The following RPS6KB1 variants were observed in gnomAD, a reference collection of about 807,000 sequenced individuals.
RPS6KB1 encodes ribosomal protein S6 kinase beta-1.
Under a neutral mutation model 70.2 loss-of-function variants are expected in RPS6KB1, and 12 were observed. The ratio of observed to expected loss-of-function variants is 0.17; its 90% CI spans 0.11 to 0.28. The LOEUF (loss-of-function observed/expected upper bound fraction) is 0.28, where lower values mean the gene tolerates loss of function less well. Ranked by LOEUF, RPS6KB1 falls within the 10% of genes least tolerant of loss-of-function variation. The pLI is 1.00. For missense variants in RPS6KB1, 270 were observed against 646.6 expected, an observed-to-expected ratio of 0.42 and a Z score of 6.32; for synonymous variants, 175 against 211.2, an observed-to-expected ratio of 0.83 and a Z score of 1.49.
At chr17:59,904,090 A>ATTTATTTG (rs2042119528) in intron 1 of RPS6KB1, among the ~76,000 whole-genome samples, 1 of 148,756 alleles carries the variant, frequency 6.7e-6, no homozygotes, top group Non-Finnish European at 1.5e-5. Flanking sequence ...TTATTTATTT[A>ATTTATTTG]TTTATTTTGA....
In RPS6KB1 at chr17:59,893,447, C is replaced by A; in HGVS notation, c.141+122C>A. On this transcript the variant is annotated intron_variant, in intron 1 of 14. Transcript: ENST00000225577. The surrounding 1 kb of genome is among the most constrained non-coding windows in gnomAD (Gnocchi z 4.1). ...GGGGCTCCTGAGGAGCTGAGGGTCG[C>A]GCGGCCTGAGACAGGGGAGCGGGCG... The A allele has an allele frequency of 9.4e-7, 1 of 1,059,158 alleles. No individual in the cohort carries two copies. The highest frequency in any genetic ancestry group is 1.4e-6 in the Non-Finnish European group (1 of 736,784). 65.6% of individuals were successfully genotyped at this position (1,059,158 alleles called of 1,614,324 possible). A position where few individuals can be genotyped will look rare whatever the true frequency, so the allele number is the denominator to read the frequency against.
At chr17:59,899,665 TC>T (rs1396643737) in intron 1 of RPS6KB1, among the ~76,000 whole-genome samples, 2 of 152,108 alleles carry the variant, frequency 1.3e-5, no homozygotes, top group Non-Finnish European at 2.9e-5. Flanking sequence ...CACCCCCATA[TC>T]CCACACATAA....
At position 59,898,391 on chromosome 17, in the gene RPS6KB1, GA is replaced by G. The variant is rs1319068321; in HGVS notation, c.141+5072del. Among the ~76,000 whole-genome samples the G allele has an allele frequency of 3.9e-5, 6 of 152,132 alleles. No individual in the cohort carries two copies. In the South Asian group the frequency reaches 8.3e-4, roughly 21 times the overall value. On this transcript the variant is annotated intron_variant, in intron 1 of 14. Transcript: ENST00000225577. ...ATATTCATGATTATGAAAAATTATA[GA>G]AAAAATATCAATACTTATCTTGCTT...
At chr17:59,931,210 C>T (rs1455898882) in intron 6 of RPS6KB1, 1 of 199,878 alleles carries the variant, frequency 5.0e-6, no homozygotes, top group African/African-American at 2.4e-5. Flanking sequence ...CTTTTGAAAT[C>T]AAGATGTGAT....
In RPS6KB1 at chr17:59,947,501, G is replaced by T; in HGVS notation, c.*713G>T. 6.6e-7 allele frequency: 1 copy of T among 1,510,936 alleles called. No individual in the cohort carries two copies. The highest frequency in any genetic ancestry group is 8.9e-7 in the Non-Finnish European group (1 of 1,124,886). 93.6% of individuals were successfully genotyped at this position (1,510,936 alleles called of 1,614,324 possible). On this transcript the variant is annotated 3_prime_UTR_variant, in exon 15 of 15. Coordinates refer to ENST00000225577, the MANE Select transcript of RPS6KB1 (RefSeq NM_003161.4). ...CGTTTGAGGGATTGGGGTGGACCTGGGGTTTATTTTCAGTAACCCAGCTGC... is the reference window on the plus strand; with the variant it reads ...CGTTTGAGGGATTGGGGTGGACCTGTGGTTTATTTTCAGTAACCCAGCTGC...
intron 4 of RPS6KB1, among the ~76,000 whole-genome samples, chr17:59,921,344 G>A (rs2043253365): frequency 6.6e-6 from 1 of 152,060 alleles, no homozygotes; most frequent in South Asian, 2.1e-4. Context: ...CTCCTTCCTT[G>A]TCCTTGAAAG....
At chr17:59,917,189 G>A (rs2144836636) in intron 4 of RPS6KB1, among the ~76,000 whole-genome samples, 1 of 152,174 alleles carries the variant, frequency 6.6e-6, no homozygotes, top group East Asian at 1.9e-4. Flanking sequence ...CACAATTATA[G>A]CTCAGTGCAA....
Position 59,938,699 on chromosome 17 carries a change from T to G in RPS6KB1, c.1120-2137T>G, listed in dbSNP as rs1327605652. On this transcript the variant is annotated intron_variant, in intron 12 of 14. Coordinates refer to ENST00000225577, the MANE Select transcript of RPS6KB1 (RefSeq NM_003161.4). ...TTGATCAGGAGGCATAATGTGTAGT[T>G]TGTGTGTGTGTGTGTGTGTGTGTGT... Among the ~76,000 whole-genome samples the G allele has an allele frequency of 6.5e-5, 9 of 138,168 alleles. No individual in the cohort carries two copies. The East Asian group carries it at 6.6e-4, about 10-fold the overall frequency. The allele number at this position is 138,168 out of a possible 152,430, so 90.6% of individuals were successfully genotyped here. A position where few individuals can be genotyped will look rare whatever the true frequency, so the allele number is the denominator to read the frequency against.
chr17:59,936,085 G>T, intron 10 of RPS6KB1, 130 bp from the exon 11 acceptor site: 4 of 767,698 alleles, frequency 5.2e-6, no homozygotes, highest in Non-Finnish European at 8.5e-6. Context: ...GGGATTACAG[G>T]CATGAGCCAC....
At chr17:59,936,167 AT>A in intron 10 of RPS6KB1, 47 bp from the exon 11 acceptor site, 1 of 1,536,626 alleles carries the variant, frequency 6.5e-7, no homozygotes, top group Non-Finnish European at 8.8e-7. Context: ...AAAAAAAAAA[AT>A]CAGTTTGACT....
At chr17:59,936,798 C>T (rs2044272914) in intron 12 of RPS6KB1, among the ~76,000 whole-genome samples, 1 of 152,154 alleles carries the variant, frequency 6.6e-6, no homozygotes, top group Non-Finnish European at 1.5e-5. Flanking sequence ...AATCTCAGAG[C>T]AGACAGAAAC....
At chr17:59,895,929 G>A (rs141693009) in intron 1 of RPS6KB1, among the ~76,000 whole-genome samples, 76 of 152,290 alleles carry the variant, frequency 5.0e-4, no homozygotes, top group African/African-American at 1.7e-3. Context: ...CACTGCATCC[G>A]GTTGGTGTGT....
intron 1 of RPS6KB1, among the ~76,000 whole-genome samples, chr17:59,908,751 T>TG (rs1384221424): frequency 7.0e-6 from 1 of 143,356 alleles, no homozygotes; most frequent in Non-Finnish European, 1.5e-5. Context: ...CCCGAGTAGC[T>TG]GGGACTACAG....
At chr17:59,915,616 C>A (rs2042899815) in intron 4 of RPS6KB1, among the ~76,000 whole-genome samples, 1 of 150,884 alleles carries the variant, frequency 6.6e-6, no homozygotes, top group African/African-American at 2.4e-5. Context: ...CAGGCGCCTA[C>A]CACCACGCCT....
intron 4 of RPS6KB1, among the ~76,000 whole-genome samples, chr17:59,922,825 T>C (rs2043355099): frequency 6.6e-6 from 1 of 151,762 alleles, no homozygotes; most frequent in Non-Finnish European, 1.5e-5. Context: ...ATTACAGACG[T>C]GAGCCACTGC....
At chr17:59,920,152 G>C (rs2043186700) in intron 4 of RPS6KB1, among the ~76,000 whole-genome samples, 1 of 151,812 alleles carries the variant, frequency 6.6e-6, no homozygotes, top group Admixed American at 6.6e-5. Flanking sequence ...TGAGTAGCTG[G>C]GATTACAGGT....
At chr17:59,902,187 C>T (rs549931285) in intron 1 of RPS6KB1, among the ~76,000 whole-genome samples, 1 of 146,434 alleles carries the variant, frequency 6.8e-6, no homozygotes, top group Admixed American at 7.0e-5. Context: ...TCACTGCAAC[C>T]TCTGCCTCCT....
At chr17:59,909,067 C>T (rs931130945) in intron 1 of RPS6KB1, among the ~76,000 whole-genome samples, 1 of 150,720 alleles carries the variant, frequency 6.6e-6, no homozygotes, top group African/African-American at 2.4e-5. Context: ...GCTGGCATTG[C>T]AGGCATGGGC....
Position 59,949,258 on chromosome 17 carries a change from G to A in RPS6KB1, c.*2470G>A, listed in dbSNP as rs761644711. 1 of 152,582 alleles carries A rather than the reference G, an allele frequency of 6.6e-6. No individual in the cohort carries two copies. Among genetic ancestry groups the A allele is most frequent in the Non-Finnish European group, 1.5e-5 (1 of 67,998 alleles). The allele number at this position is 152,582 out of a possible 1,614,324, so 9.5% of individuals were successfully genotyped here. A position where few individuals can be genotyped will look rare whatever the true frequency, so the allele number is the denominator to read the frequency against. On this transcript the variant is annotated 3_prime_UTR_variant, in exon 15 of 15. Coordinates refer to ENST00000225577, the MANE Select transcript of RPS6KB1 (RefSeq NM_003161.4). The stretch of plus-strand genomic sequence containing the variant: ...CTATGACTGTGAAAACATGTCAAGT[G>A]TCACATTAGTGTCACAGACAGAAAG...
Sources: gnomAD v4.1 joint callset for allele counts (sites outside exome capture counted in the v4.1 genomes callset) on GRCh38, gnomAD v4.1.1 for gene constraint, Gnocchi (gnomAD v3.1) non-coding constraint, MANE v1.5 for transcripts, NCBI Gene and HGNC (gene_info 2026-07-23, HGNC 2026-07-21) for gene names.